FIGN: variants seen among roughly 807,000 people sequenced by gnomAD.
The protein encoded by FIGN is fidgetin.
A neutral mutation model predicts 51.3 loss-of-function variants in FIGN; 11 were observed. The ratio of observed to expected loss-of-function variants is 0.21; its 90% CI spans 0.13 to 0.35. FIGN has a LOEUF of 0.35. Ranked by LOEUF, FIGN falls within the 10% of genes least tolerant of loss-of-function variation. The pLI is 1.00. For synonymous variants in FIGN, 407 were observed against 363.2 expected (o/e 1.12, Z -1.37); for missense variants, 857 against 943.6 (o/e 0.91, Z 1.20).
rs137958530 is a variant in FIGN at position 163,668,935 on chromosome 2, C to T, written c.26-57129G>A. On this transcript the variant is annotated intron_variant, in intron 2 of 2. Coordinates refer to ENST00000333129, the MANE Select transcript of FIGN (RefSeq NM_018086.4). ...CAGCCTGGGTGACAGAGTGAGACTC[C>T]ATCTCAAAAGAAAAAAAAGAAAAAA... Among the ~76,000 whole-genome samples, 844 of 149,034 alleles carry T rather than the reference C, an allele frequency of 5.7e-3. 9 individuals are homozygous for T. The highest frequency in any genetic ancestry group is 0.019 in the African/African-American group (776 of 40,136).
chr2:163,689,648 T>C (rs1364024864), intron 2 of FIGN, among the ~76,000 whole-genome samples: 1 of 152,196 alleles, frequency 6.6e-6, no homozygotes, highest in East Asian at 1.9e-4. Context: ...CCAATATTTA[T>C]TGCTACATGT....
At chr2:163,641,020 G>T (rs1462951831) in intron 2 of FIGN, among the ~76,000 whole-genome samples, 1 of 152,184 alleles carries the variant, frequency 6.6e-6, no homozygotes, top group Non-Finnish European at 1.5e-5. Context: ...TGTTTACTCT[G>T]TCAGAGGCAG....
intron 2 of FIGN, among the ~76,000 whole-genome samples, chr2:163,688,991 A>G (rs918471042): frequency 5.3e-5 from 8 of 151,904 alleles, no homozygotes; most frequent in African/African-American, 1.9e-4. Context: ...TCAAAACCCT[A>G]TCTCTTGAAA....
At chr2:163,723,597 A>G (rs1050476957) in intron 2 of FIGN, among the ~76,000 whole-genome samples, 4 of 152,232 alleles carry the variant, frequency 2.6e-5, no homozygotes, top group African/African-American at 9.6e-5. Flanking sequence ...GAAGAAGAAC[A>G]TGCCAGGAAG....
intron 2 of FIGN, among the ~76,000 whole-genome samples, chr2:163,633,443 C>T (rs1683178877): frequency 6.6e-6 from 1 of 152,128 alleles, no homozygotes; most frequent in Non-Finnish European, 1.5e-5. Flanking sequence ...GGCCAAGTCA[C>T]ACAGCTAATA....
intron 2 of FIGN, among the ~76,000 whole-genome samples, chr2:163,679,298 C>A (rs1246713878): frequency 1.3e-5 from 2 of 151,982 alleles, no homozygotes; most frequent in African/African-American, 4.8e-5. Flanking sequence ...TCAAGACCAT[C>A]GTGGGTAACA....
chr2:163,662,834 A>G (rs1233245402), intron 2 of FIGN, among the ~76,000 whole-genome samples: 1 of 152,202 alleles, frequency 6.6e-6, no homozygotes, highest in Non-Finnish European at 1.5e-5. Flanking sequence ...TTATTGTGAT[A>G]GTGAATTAAG....
At chr2:163,682,375 AG>A in intron 2 of FIGN, among the ~76,000 whole-genome samples, 1 of 148,088 alleles carries the variant, frequency 6.8e-6, no homozygotes. Flanking sequence ...CTATAGCCGC[AG>A]GCAATCCAGT....
intron 2 of FIGN, among the ~76,000 whole-genome samples, chr2:163,664,880 G>A (rs1238929016): frequency 1.3e-5 from 2 of 152,162 alleles, no homozygotes; most frequent in Non-Finnish European, 2.9e-5. Context: ...CAGTACTATG[G>A]TCTGTTGATA....
chr2:163,684,644 A>C (rs553793720), intron 2 of FIGN, among the ~76,000 whole-genome samples: 1 of 152,294 alleles, frequency 6.6e-6, no homozygotes, highest in South Asian at 2.1e-4. Flanking sequence ...GATGTTTATC[A>C]CTCAAAGTGA....
intron 2 of FIGN, among the ~76,000 whole-genome samples, chr2:163,695,875 A>T (rs1573956250): frequency 6.6e-6 from 1 of 152,332 alleles, no homozygotes; most frequent in East Asian, 1.9e-4. Context: ...TGGGAGGCCA[A>T]GGTGGGTGGA....
intron 2 of FIGN, among the ~76,000 whole-genome samples, chr2:163,705,514 C>A (rs1684485603): frequency 6.6e-6 from 1 of 151,922 alleles, no homozygotes; most frequent in Non-Finnish European, 1.5e-5. Flanking sequence ...GAACTAAATT[C>A]TTAAAATTTT....
intron 2 of FIGN, among the ~76,000 whole-genome samples, chr2:163,732,397 G>A: frequency 6.7e-6 from 1 of 150,298 alleles, no homozygotes; most frequent in Non-Finnish European, 1.5e-5. Flanking sequence ...CAAGCATGAA[G>A]GAGTAAAAGA....
chr2:163,717,193 C>T (rs1343243919), intron 2 of FIGN, among the ~76,000 whole-genome samples: 1 of 152,022 alleles, frequency 6.6e-6, no homozygotes, highest in African/African-American at 2.4e-5. Flanking sequence ...ACTGATATGG[C>T]CAATTTTCAT....
chr2:163,605,856 A>T lies in FIGN; in HGVS notation c.*3696T>A, dbSNP rs1297839641. The T allele has an allele frequency of 6.6e-6, 1 of 151,434 alleles. No individual in the cohort carries two copies. The highest frequency in any genetic ancestry group is 1.5e-5 in the Non-Finnish European group (1 of 67,916). The allele number at this position is 151,434 out of a possible 1,614,324, so 9.4% of individuals were successfully genotyped here. ...AAAACGTATTTTCCAACCCACAAAT[A>T]TATTTAAATTTACAAAGACCTATTA... On this transcript the variant is annotated 3_prime_UTR_variant, in exon 3 of 3. Transcript: ENST00000333129.
chr2:163,724,721 TTC>T (rs781460482), intron 2 of FIGN, among the ~76,000 whole-genome samples: 113 of 152,308 alleles, frequency 7.4e-4, no homozygotes, highest in Admixed American at 1.4e-3. Flanking sequence ...ATGGATTTTA[TTC>T]TGTCACTTCA....
At chr2:163,725,376 G>C (rs1308181785) in intron 2 of FIGN, among the ~76,000 whole-genome samples, 1 of 151,986 alleles carries the variant, frequency 6.6e-6, no homozygotes, top group African/African-American at 2.4e-5. Context: ...CAAAATAGCA[G>C]AAAACATTTT....
chr2:163,717,684 T>C (rs1256271515), intron 2 of FIGN, among the ~76,000 whole-genome samples: 4 of 152,180 alleles, frequency 2.6e-5, no homozygotes, highest in Non-Finnish European at 5.9e-5. Context: ...ATTCGCTTTG[T>C]GCCAGAAAGG....
At chr2:163,734,282 C>T (rs1388799269) in intron 2 of FIGN, among the ~76,000 whole-genome samples, 1 of 151,832 alleles carries the variant, frequency 6.6e-6, no homozygotes, top group Admixed American at 6.6e-5. Context: ...ACATCAAGGA[C>T]TTTGGACAAT....
Sources: allele counts gnomAD v4.1 joint callset (sites outside exome capture counted in the v4.1 genomes callset), GRCh38; gene constraint gnomAD v4.1.1; transcripts MANE v1.5; gene names NCBI Gene and HGNC (gene_info 2026-07-23, HGNC 2026-07-21).